Variants in FAM53A observed in about 807,000 individuals in gnomAD.
FAM53A encodes family with sequence similarity 53 member A.
Under a neutral mutation model 26.6 loss-of-function variants are expected in FAM53A, and 28 were observed. The ratio of observed to expected loss-of-function variants is 1.05; its 90% CI spans 0.78 to 1.45. The LOEUF (loss-of-function observed/expected upper bound fraction) is 1.45. Among genes scored for constraint, FAM53A ranks in the 40% most tolerant of loss-of-function variants. The probability of loss-of-function intolerance (pLI) is 0.00; values close to 1 mark genes in which losing one functional copy is unlikely to be tolerated. For missense variants in FAM53A, 650 were observed against 575.8 expected, an observed-to-expected ratio of 1.13 and a Z score of -1.32; for synonymous variants, 290 against 253.1, an observed-to-expected ratio of 1.15 and a Z score of -1.38.
intron 1 of FAM53A, chr4:1,618,241 G>A (rs1292754516): frequency 1.2e-5 from 5 of 433,764 alleles, no homozygotes; most frequent in Non-Finnish European, 1.4e-5. Context: ...CGGCAGGGGT[G>A]CATCCAGGCT....
the FAM53A span, among the ~76,000 whole-genome samples, chr4:1,582,587 C>A: frequency 3.3e-5 from 5 of 152,256 alleles, no homozygotes; most frequent in South Asian, 4.1e-4. Context: ...GAGATCAGTC[C>A]TCTCCCGCCT....
rs778940367 is a variant in FAM53A at position 1,641,649 on chromosome 4, T to A, written c.883-42A>T. On this transcript the variant is annotated intron_variant, in intron 4 of 4. Coordinates refer to ENST00000308132, the MANE Select transcript of FAM53A (RefSeq NM_001174070.3). ...ACGGGCTTAAAGCATTTCTAGCAGATCACACAGGAGGCAGCATCCCACCAA... is the reference window on the plus strand; with the variant it reads ...ACGGGCTTAAAGCATTTCTAGCAGAACACACAGGAGGCAGCATCCCACCAA... 1.6e-5 allele frequency: 25 copies of A among 1,604,498 alleles called. No individual in the cohort carries two copies. The South Asian group carries it at 2.3e-4, about 15-fold the overall frequency.
intron 1 of FAM53A, among the ~76,000 whole-genome samples, chr4:1,669,161 C>A (rs1714456874): frequency 6.6e-6 from 1 of 152,156 alleles, no homozygotes; most frequent in Non-Finnish European, 1.5e-5. Context: ...ATAGGCCACC[C>A]CAGGCCTCTG....
At chr4:1,669,215 T>C (rs1219411689) in intron 1 of FAM53A, among the ~76,000 whole-genome samples, 1 of 152,154 alleles carries the variant, frequency 6.6e-6, no homozygotes, top group Non-Finnish European at 1.5e-5. Context: ...GGCAAGGACA[T>C]TCTGGAAGCT....
In FAM53A at chr4:1,655,622, G is replaced by A. The variant is rs1373262233; in HGVS notation, c.238C>T (p.His80Tyr). The A allele has an allele frequency of 5.6e-6, 9 of 1,594,952 alleles. No homozygotes were observed. In the Admixed American group the frequency reaches 1.6e-4, roughly 28 times the overall value. The change falls in exon 4 of 5, where the codon CAC becomes TAC. Residue 80 changes from histidine (H) to tyrosine (Y), a missense_variant. Physicochemically the swap from His to Tyr is moderately conservative, Grantham distance 83. Transcript: ENST00000308132. ...GGCTGCCACTGAAGACCCATGGTGT[G>A]AGCGGCAGCAGACAGGCCCGGCAGG... is the stretch of plus-strand genomic sequence containing the variant. ...SFLPGLSAAA[H>Y]TMGLQWQPQS...
At chr4:1,621,712 T>A (rs571542155) in intron 1 of FAM53A, among the ~76,000 whole-genome samples, 20 of 152,328 alleles carry the variant, frequency 1.3e-4, no homozygotes, top group African/African-American at 4.8e-4. Context: ...GGTCCCTGCC[T>A]TCCCCAGCTC....
chr4:1,653,043 T>G (rs1473069098), intron 4 of FAM53A, among the ~76,000 whole-genome samples: 1 of 143,048 alleles, frequency 7.0e-6, no homozygotes, highest in Non-Finnish European at 1.5e-5. Flanking sequence ...ACACAACACA[T>G]AGACCACACA....
rs150417374 is a variant in FAM53A, at chr4:1,662,362, C to T, written c.76-4894G>A. ...GGCGTGATGGTGGATGCCTGTAATC[C>T]CAGCTACTCAGGAGGCTGAGGCAGA... On this transcript the variant is annotated intron_variant, in intron 2 of 4. Transcript: ENST00000308132. Among the ~76,000 whole-genome samples, 982 of 151,666 alleles carry T rather than the reference C, an allele frequency of 6.5e-3. 11 individuals carry two copies. Among genetic ancestry groups the T allele is most frequent in the African/African-American group, 0.022 (921 of 41,340 alleles).
chr4:1,614,427 GTGAGGGGGATGCAGAGACA>G (rs1577076873), downstream of FAM53A, among the ~76,000 whole-genome samples: 39 of 136,948 alleles, frequency 2.8e-4, 1 homozygote, highest in African/African-American at 7.7e-4. Flanking sequence ...ATGCAGAGAC[GTGAGGGGGATGCAGAGACA>G]TGAGGGGCAT....
intron 4 of FAM53A, among the ~76,000 whole-genome samples, chr4:1,648,572 C>A (rs1037616060): frequency 2.0e-5 from 3 of 152,140 alleles, no homozygotes; most frequent in African/African-American, 7.2e-5. Flanking sequence ...TTTGATGAGG[C>A]CCTCTCCCCA....
intron 1 of FAM53A, among the ~76,000 whole-genome samples, chr4:1,679,630 G>A (rs1163905941): frequency 6.7e-6 from 1 of 148,760 alleles, no homozygotes; most frequent in Admixed American, 6.8e-5. Flanking sequence ...AGGTTGCAGT[G>A]AGCCAAGATA....
chr4:1,626,718 GTT>G (rs551688784), intron 1 of FAM53A, among the ~76,000 whole-genome samples: 172 of 152,066 alleles, frequency 1.1e-3, no homozygotes, highest in Middle Eastern at 3.4e-3. Flanking sequence ...CCACAGTGAT[GTT>G]TTGAGTCTGG....
chr4:1,589,750 C>T, the FAM53A span, among the ~76,000 whole-genome samples: 2 of 151,858 alleles, frequency 1.3e-5, no homozygotes, highest in Non-Finnish European at 2.9e-5. Context: ...TTATTTTTGC[C>T]ATTATTTTCC....
At chr4:1,599,995 A>AC in the FAM53A span, among the ~76,000 whole-genome samples, 881 of 148,822 alleles carry the variant, frequency 5.9e-3, 11 homozygotes, top group African/African-American at 0.021. The surrounding 1 kb of genome is among the most constrained non-coding windows in gnomAD (Gnocchi z 6.1). Context: ...ACCACGTGTG[A>AC]CCCCCTCTCC....
chr4:1,661,364 CT>C (rs1713820456), intron 2 of FAM53A, among the ~76,000 whole-genome samples: 1 of 152,176 alleles, frequency 6.6e-6, no homozygotes, highest in Non-Finnish European at 1.5e-5. Flanking sequence ...TTGGGCTCTA[CT>C]TTTTTCCTGA....
At chr4:1,681,159 C>T (rs1715408404) in intron 1 of FAM53A, among the ~76,000 whole-genome samples, 2 of 152,138 alleles carry the variant, frequency 1.3e-5, no homozygotes, top group African/African-American at 4.8e-5. Flanking sequence ...TGCAACGGCG[C>T]GATCTCAGCT....
In FAM53A at chr4:1,640,598, T is replaced by C. The variant is rs1711590234; in HGVS notation, c.*695A>G. The C allele has an allele frequency of 8.2e-6, 3 of 364,896 alleles. No homozygotes were observed. Among genetic ancestry groups the C allele is most frequent in the Non-Finnish European group, 1.5e-5 (3 of 196,360 alleles). The allele number at this position is 364,896 out of a possible 1,614,324, so 22.6% of individuals were successfully genotyped here. On this transcript the variant is annotated 3_prime_UTR_variant, in exon 5 of 5. Transcript: ENST00000308132. ...AAACTGAATCAAAATTACGCCTTAA[T>C]GTTCCAAGCAACACGAAACCTACTC... is the stretch of plus-strand genomic sequence containing the variant.
chr4:1,672,186 C>G (rs796830280), intron 1 of FAM53A, among the ~76,000 whole-genome samples: 1 of 81,546 alleles, frequency 1.2e-5, no homozygotes, highest in African/African-American at 3.6e-5. Flanking sequence ...ACCCACGGAC[C>G]CACGGACCCA....
the FAM53A span, among the ~76,000 whole-genome samples, chr4:1,576,648 G>C: frequency 2.0e-5 from 3 of 152,256 alleles, no homozygotes; most frequent in East Asian, 3.8e-4. Context: ...CGGTAAATCT[G>C]CTCCAGAAAG....
Sources: gnomAD v4.1 joint callset for allele counts (sites outside exome capture counted in the v4.1 genomes callset) on GRCh38, gnomAD v4.1.1 for gene constraint, Gnocchi (gnomAD v3.1) non-coding constraint, MANE v1.5 for transcripts, NCBI Gene and HGNC (gene_info 2026-07-23, HGNC 2026-07-21) for gene names.